Variants in ZNF57 observed in about 807,000 individuals in gnomAD.
ZNF57 encodes zinc finger protein 57.
ZNF57 carries 11 observed loss-of-function variants against 13.4 expected under a neutral mutation model. That is an observed-to-expected ratio of 0.82 (90% CI 0.52 to 1.36). The LOEUF (loss-of-function observed/expected upper bound fraction) is 1.36. Ranked by LOEUF, ZNF57 falls within the 40% of genes most tolerant of loss-of-function variation. The probability of loss-of-function intolerance (pLI) is 0.00; values close to 1 mark genes in which losing one functional copy is unlikely to be tolerated. For missense variants in ZNF57, 696 were observed against 667.5 expected (o/e 1.04, Z -0.47); for synonymous variants, 224 against 238.5 (o/e 0.94, Z 0.56).
chr19:2,916,258 C>A lies in ZNF57; in HGVS notation c.302+9C>A. 2 of 1,589,064 alleles carry A rather than the reference C, an allele frequency of 1.3e-6. No homozygotes were observed. Among genetic ancestry groups the A allele is most frequent in the South Asian group, 1.1e-5 (1 of 87,538 alleles). ...CACCACAAAAATCTGAGGTGAGTTGCACTCACAAGAGAAAAATCCTTGTAT... is the reference window on the plus strand; with the variant it reads ...CACCACAAAAATCTGAGGTGAGTTGAACTCACAAGAGAAAAATCCTTGTAT... On this transcript the variant is annotated intron_variant, in intron 3 of 3. Coordinates refer to ENST00000306908, the MANE Select transcript of ZNF57 (RefSeq NM_173480.3).
chr19:2,901,175 C>A, intron 1 of ZNF57, 127 bp downstream of exon 1: 1 of 1,247,536 alleles, frequency 8.0e-7, no homozygotes, highest in Non-Finnish European at 1.1e-6. Flanking sequence ...GGACTAGCAC[C>A]TGGGACCCGG....
chr19:2,914,675 C>T (rs1477956074), intron 1 of ZNF57, among the ~76,000 whole-genome samples: 5 of 152,184 alleles, frequency 3.3e-5, no homozygotes, highest in Non-Finnish European at 5.9e-5. Flanking sequence ...AGATGAGCTT[C>T]GGGTTTATAT....
chr19:2,915,974 T>C, intron 2 of ZNF57, 104 bp from the exon 3 acceptor site: 2 of 1,270,342 alleles, frequency 1.6e-6, no homozygotes, highest in South Asian at 1.5e-5. Context: ...TGACCCCTTA[T>C]GTCTGTTATT....
At chr19:2,903,046 C>G (rs2088042351) in intron 1 of ZNF57, among the ~76,000 whole-genome samples, 1 of 152,158 alleles carries the variant, frequency 6.6e-6, no homozygotes, top group Admixed American at 6.6e-5. Flanking sequence ...CTTGCTCAGT[C>G]CTCCTGCCTC....
intron 1 of ZNF57, among the ~76,000 whole-genome samples, chr19:2,901,970 T>C (rs1243985165): frequency 6.6e-6 from 1 of 151,796 alleles, no homozygotes; most frequent in African/African-American, 2.4e-5. Context: ...TCACAAGGGC[T>C]GGGAGGAATA....
At chr19:2,916,763 T>A (rs947578548) in intron 3 of ZNF57, 161 bp from the exon 4 acceptor site, 9 of 561,348 alleles carry the variant, frequency 1.6e-5, no homozygotes, top group Non-Finnish European at 2.7e-5. Context: ...CCATATATAA[T>A]AAATACTGCA....
At chr19:2,911,419 G>A (rs1170745078) in intron 1 of ZNF57, among the ~76,000 whole-genome samples, 1 of 152,074 alleles carries the variant, frequency 6.6e-6, no homozygotes, top group Non-Finnish European at 1.5e-5. Context: ...TGTAATCCCA[G>A]CTGCTCGGGA....
chr19:2,903,905 C>T (rs543883924), intron 1 of ZNF57, among the ~76,000 whole-genome samples: 5 of 152,112 alleles, frequency 3.3e-5, no homozygotes, highest in African/African-American at 9.6e-5. Context: ...TTAGTAGAGA[C>T]GGGGTTTCAC....
intron 1 of ZNF57, among the ~76,000 whole-genome samples, chr19:2,904,551 G>GT (rs766111613): frequency 3.1e-4 from 47 of 151,304 alleles, no homozygotes; most frequent in African/African-American, 6.3e-4. Flanking sequence ...GTTTGTTTTT[G>GT]TTTTTTTTGA....
chr19:2,901,245 C>T (rs1390201415), intron 1 of ZNF57, among the ~76,000 whole-genome samples, 197 bp downstream of exon 1: 1 of 124,828 alleles, frequency 8.0e-6, no homozygotes, highest in African/African-American at 3.1e-5. Flanking sequence ...ACGGAAGGGG[C>T]GGCAAGGAGC....
Position 2,918,195 on chromosome 19 carries a change from T to A in ZNF57, c.1574T>A (p.Met525Lys). The A allele has an allele frequency of 6.2e-7, 1 of 1,614,268 alleles. No homozygotes were observed. The highest frequency in any genetic ancestry group is 8.5e-7 in the Non-Finnish European group (1 of 1,180,048). Reference protein sequence around the residue: ...WHSSFRNHLRMHTGQKSHECQ... With the variant: ...WHSSFRNHLRKHTGQKSHECQ... ...TCCTCCTTCCGGAACCATCTGAGGA[T>A]GCACACAGGACAGAAATCCCACGAA... The change falls in exon 4 of 4, where the codon ATG becomes AAG. Residue 525 changes from methionine (M) to lysine (K), a missense_variant. By Grantham distance (95) the Met-to-Lys change is moderately conservative. Around this residue, in one of 3 missense-constraint regions of ZNF57, gnomAD observed 645 missense variants for 591.5 expected, o/e 1.09. Coordinates refer to ENST00000306908, the MANE Select transcript of ZNF57 (RefSeq NM_173480.3).
intron 2 of ZNF57, 34 bp from the exon 3 acceptor site, chr19:2,916,044 T>C (rs1029115462): frequency 1.2e-5 from 19 of 1,598,358 alleles, no homozygotes; most frequent in Non-Finnish European, 1.5e-5. Flanking sequence ...ACGTGTCTTA[T>C]TCCTTTTGAG....
At chr19:2,908,286 A>T (rs1185213188) in intron 1 of ZNF57, among the ~76,000 whole-genome samples, 2 of 152,116 alleles carry the variant, frequency 1.3e-5, no homozygotes, top group African/African-American at 4.8e-5. Flanking sequence ...GTGGTGCTGG[A>T]ACTAGTATAA....
At chr19:2,908,553 G>A (rs1379375229) in intron 1 of ZNF57, among the ~76,000 whole-genome samples, 2 of 145,822 alleles carry the variant, frequency 1.4e-5, no homozygotes, top group African/African-American at 5.1e-5. Flanking sequence ...CCCAGTAGCT[G>A]GGACTACAGG....
At chr19:2,911,760 A>G (rs1172288454) in intron 1 of ZNF57, among the ~76,000 whole-genome samples, 4 of 152,112 alleles carry the variant, frequency 2.6e-5, no homozygotes, top group African/African-American at 9.7e-5. Context: ...GTGTCCATTA[A>G]AGTCATTCTC....
At chr19:2,908,370 ATTCT>A (rs370385829) in intron 1 of ZNF57, among the ~76,000 whole-genome samples, 339 of 151,582 alleles carry the variant, frequency 2.2e-3, no homozygotes, top group African/African-American at 7.9e-3. Flanking sequence ...TGAACTTCAC[ATTCT>A]TTATGTTTTT....
intron 1 of ZNF57, among the ~76,000 whole-genome samples, chr19:2,902,312 A>G (rs765566888): frequency 2.6e-5 from 4 of 152,124 alleles, no homozygotes; most frequent in Non-Finnish European, 5.9e-5. Flanking sequence ...GTGTCAGTAA[A>G]TGTACTGTAC....
In ZNF57 at chr19:2,918,169, C is replaced by T. The variant is rs772137368; in HGVS notation, c.1548C>T (p.His516=). The change falls in exon 4 of 4, where the codon CAC becomes CAT. Residue 516 remains histidine, a synonymous_variant. Coordinates refer to ENST00000306908, the MANE Select transcript of ZNF57 (RefSeq NM_173480.3). Reference sequence around the variant, plus strand: ...AATGTGGGATGTCCTTCAAGTGGCACTCCTCCTTCCGGAACCATCTGAGGA... The same window carrying T: ...AATGTGGGATGTCCTTCAAGTGGCATTCCTCCTTCCGGAACCATCTGAGGA... ...CKQCGMSFKW[H]SSFRNHLRMH... is the part of the protein sequence containing the mutation. The T allele has an allele frequency of 6.2e-7, 1 of 1,614,202 alleles. No individual in the cohort carries two copies. The highest frequency in any genetic ancestry group is 1.1e-5 in the South Asian group (1 of 91,086).
At position 2,917,808 on chromosome 19, in the gene ZNF57, A is replaced by C; in HGVS notation, c.1187A>C (p.Gln396Pro). 6.2e-7 allele frequency: 1 copy of C among 1,604,560 alleles called. No homozygotes were observed. Among genetic ancestry groups the C allele is most frequent in the Middle Eastern group, 1.7e-4 (1 of 5,936 alleles). The change falls in exon 4 of 4, where the codon CAA becomes CCA. Residue 396 changes from glutamine (Q) to proline (P), a missense_variant. Physicochemically the swap from Gln to Pro is moderately conservative, Grantham distance 76. This residue lies in a region of ZNF57 where 645 missense variants were observed against 591.5 expected (regional missense o/e 1.09). Transcript: ENST00000306908. ...CAAGAGCAGCTCTATAAATGTGAAC[A>C]ATGTGGGAAGGCTTTTACCTCTTCC... ...HTQEQLYKCE[Q>P]CGKAFTSSRS...
Sources: gnomAD v4.1 joint callset for allele counts (sites outside exome capture counted in the v4.1 genomes callset) on GRCh38, gnomAD v4.1.1 for gene constraint, gnomAD v4.1.1 regional missense constraint, MANE v1.5 for transcripts, NCBI Gene and HGNC (gene_info 2026-07-23, HGNC 2026-07-21) for gene names.